FGF14: variants seen among roughly 807,000 people sequenced by gnomAD.
The protein encoded by FGF14 is fibroblast growth factor 14.
FGF14 carries 5 observed loss-of-function variants against 25.5 expected under a neutral mutation model. The ratio of observed to expected loss-of-function variants is 0.20; its 90% confidence interval spans 0.10 to 0.41. FGF14 has a LOEUF of 0.41. FGF14 is among the 10% of genes least tolerant of loss of function. The pLI, the probability that FGF14 is intolerant of heterozygous loss-of-function variation, is 1.00. For missense variants in FGF14, 222 were observed against 320.1 expected (o/e 0.69, Z 2.34); for synonymous variants, 138 against 118.3 (o/e 1.17, Z -1.08).
At chr13:101,770,123 A>C (rs941044426) in intron 3 of FGF14, among the ~76,000 whole-genome samples, 4 of 120,314 alleles carry the variant, frequency 3.3e-5, no homozygotes, top group Non-Finnish European at 8.1e-5. Context: ...GTGCTGTAAA[A>C]ACATAAAAGT....
At chr13:101,956,784 G>T (rs80242779) in intron 1 of FGF14, among the ~76,000 whole-genome samples, 5 of 116,626 alleles carry the variant, frequency 4.3e-5, no homozygotes, top group Middle Eastern at 4.9e-3. Context: ...AAAAAAAAAA[G>T]AAAAAGTAAA....
intron 1 of FGF14, among the ~76,000 whole-genome samples, chr13:101,887,770 T>C (rs567903842): frequency 2.6e-5 from 4 of 152,302 alleles, no homozygotes; most frequent in East Asian, 1.9e-4. Context: ...TGATAAATGT[T>C]TGAGGCAATG....
At chr13:102,141,181 A>C (rs1257970524) in intron 1 of FGF14, among the ~76,000 whole-genome samples, 1 of 152,214 alleles carries the variant, frequency 6.6e-6, no homozygotes, top group African/African-American at 2.4e-5. Context: ...TGGTTTGGAC[A>C]GGGAGTCTAT....
chr13:102,002,133 A>G (rs2039531562), intron 1 of FGF14: 1 of 152,214 alleles, frequency 6.6e-6, no homozygotes, highest in Non-Finnish European at 1.5e-5. Context: ...GGGACCCTTG[A>G]TCCCACTGCC....
At chr13:101,929,648 A>G (rs2034616297) in intron 1 of FGF14, among the ~76,000 whole-genome samples, 1 of 152,196 alleles carries the variant, frequency 6.6e-6, no homozygotes, top group Admixed American at 6.5e-5. Context: ...ATGCTTTTCT[A>G]TTAATGTGTG....
intron 1 of FGF14, among the ~76,000 whole-genome samples, chr13:102,264,744 A>G (rs1457903320): frequency 2.6e-5 from 4 of 152,180 alleles, no homozygotes; most frequent in Admixed American, 1.3e-4. Flanking sequence ...GGAGTCAGAG[A>G]AGTTTCCCTC....
chr13:102,347,587 C>T (rs1443187192), intron 1 of FGF14, among the ~76,000 whole-genome samples: 1 of 152,148 alleles, frequency 6.6e-6, no homozygotes, highest in Non-Finnish European at 1.5e-5. Flanking sequence ...AGCCCTCTCG[C>T]ACTTTTGCAT....
chr13:102,255,440 A>G (rs908799971), intron 1 of FGF14, among the ~76,000 whole-genome samples: 1 of 152,240 alleles, frequency 6.6e-6, no homozygotes, highest in African/African-American at 2.4e-5. Flanking sequence ...GAAAAAAGAA[A>G]TAAAGCAGAT....
intron 1 of FGF14, among the ~76,000 whole-genome samples, chr13:102,173,319 A>T (rs1040662778): frequency 6.6e-6 from 1 of 152,150 alleles, no homozygotes; most frequent in African/African-American, 2.4e-5. Flanking sequence ...TGTCATAAAA[A>T]AAAGATAAAA....
At chr13:102,295,743 A>G (rs916794221) in intron 1 of FGF14, among the ~76,000 whole-genome samples, 7 of 152,192 alleles carry the variant, frequency 4.6e-5, no homozygotes, top group African/African-American at 1.4e-4. Context: ...TCATACAACC[A>G]TATTAGCAGA....
chr13:101,988,423 G>A (rs1594916756), intron 1 of FGF14, among the ~76,000 whole-genome samples: 2 of 151,850 alleles, frequency 1.3e-5, no homozygotes, highest in African/African-American at 4.8e-5. Context: ...TTTTGCTATT[G>A]CTATTCACAA....
At chr13:101,978,154 A>C (rs972773480) in intron 1 of FGF14, among the ~76,000 whole-genome samples, 4 of 152,236 alleles carry the variant, frequency 2.6e-5, no homozygotes, top group African/African-American at 9.6e-5. Context: ...TTGTGGTTTT[A>C]AATTATTCTG....
At chr13:102,044,936 T>C (rs771614197) in intron 1 of FGF14, among the ~76,000 whole-genome samples, 1 of 152,130 alleles carries the variant, frequency 6.6e-6, no homozygotes, top group South Asian at 2.1e-4. Context: ...CTTGCTACCA[T>C]GGCCAGCAAA....
At chr13:102,113,989 C>G (rs976797987) in intron 1 of FGF14, among the ~76,000 whole-genome samples, 2 of 152,170 alleles carry the variant, frequency 1.3e-5, no homozygotes, top group Non-Finnish European at 2.9e-5. Flanking sequence ...GAGACAGGAA[C>G]CTAGTCCAGT....
chr13:102,296,477 G>C (rs1196438873), intron 1 of FGF14, among the ~76,000 whole-genome samples: 1 of 152,174 alleles, frequency 6.6e-6, no homozygotes, highest in Non-Finnish European at 1.5e-5. Context: ...GATAATCCCT[G>C]ATGTACTGCA....
At chr13:101,836,762 C>G (rs1000200532) in intron 3 of FGF14, among the ~76,000 whole-genome samples, 1 of 151,920 alleles carries the variant, frequency 6.6e-6, no homozygotes, top group South Asian at 2.1e-4. Flanking sequence ...TTTTATTGTC[C>G]TATTGCATTA....
chr13:102,338,562 C>T (rs970984860), intron 1 of FGF14, among the ~76,000 whole-genome samples: 4 of 152,008 alleles, frequency 2.6e-5, no homozygotes, highest in South Asian at 2.1e-4. Context: ...AAGATTACCA[C>T]GTTTGAGAAA....
Position 101,928,705 on chromosome 13 carries a change from C to T in FGF14, c.209-53409G>A, listed in dbSNP as rs369116283. 5.3e-4 allele frequency among the ~76,000 whole-genome samples: 81 copies of T among 152,288 alleles called. No homozygotes were observed. The South Asian group carries it at 0.016, about 30-fold the overall frequency. On this transcript the variant is annotated intron_variant, in intron 1 of 4. Coordinates refer to the FGF14 transcript ENST00000376131. ...TGCTAAGCTCACGGCTAACTGGCAG[C>T]AGCTCTCAGCCTGATTTCTCTTCTC...
chr13:102,041,159 T>C (rs890541258), intron 1 of FGF14, among the ~76,000 whole-genome samples: 1 of 152,050 alleles, frequency 6.6e-6, no homozygotes, highest in African/African-American at 2.4e-5. Context: ...TATAACTTTC[T>C]CTTCACACAT....
Sources: allele counts gnomAD v4.1 joint callset (sites outside exome capture counted in the v4.1 genomes callset), GRCh38; gene constraint gnomAD v4.1.1; transcripts MANE v1.5; gene names NCBI Gene and HGNC (gene_info 2026-07-23, HGNC 2026-07-21).